The following ADAD1 variants were observed in gnomAD, a reference collection of about 807,000 sequenced individuals.
ADAD1 encodes the protein adenosine deaminase domain containing 1, also known as adenosine deaminase domain-containing protein 1.
A neutral mutation model predicts 66.8 loss-of-function variants in ADAD1; 46 were observed. That is an observed-to-expected ratio of 0.69 (90% CI 0.54 to 0.88). ADAD1 has a LOEUF of 0.88. Among genes scored for constraint, ADAD1 ranks in the 40% least tolerant of loss-of-function variants. The pLI is 0.00. For synonymous variants in ADAD1, 248 were observed against 229.4 expected, an observed-to-expected ratio of 1.08 and a Z score of -0.73; for missense variants, 617 against 681.8, an observed-to-expected ratio of 0.91 and a Z score of 1.06.
At chr4:122,410,981 T>A (rs1387557256) in intron 8 of ADAD1, among the ~76,000 whole-genome samples, 1 of 152,000 alleles carries the variant, frequency 6.6e-6, no homozygotes, top group Non-Finnish European at 1.5e-5. Context: ...GAAACAAAAG[T>A]GGAGTAGTAG....
At chr4:122,399,565 T>A (rs1339196750) in intron 7 of ADAD1, among the ~76,000 whole-genome samples, 2 of 152,108 alleles carry the variant, frequency 1.3e-5, no homozygotes, top group African/African-American at 2.4e-5. Context: ...ATCTGTAGAT[T>A]GCTTTTGGCA....
chr4:122,387,741 GTTTTTTT>G (rs776546642), intron 5 of ADAD1, among the ~76,000 whole-genome samples: 1 of 142,476 alleles, frequency 7.0e-6, no homozygotes, highest in Non-Finnish European at 1.5e-5. Flanking sequence ...ATATTGAGAG[GTTTTTTT>G]TTTTTGTTTT....
At position 122,379,366 on chromosome 4, in the gene ADAD1, C is replaced by T. The variant is rs1794756143; in HGVS notation, c.-82-6C>T. 1 of 152,360 alleles carries T rather than the reference C, an allele frequency of 6.6e-6. No homozygotes were observed. The highest frequency in any genetic ancestry group is 2.4e-5 in the African/African-American group (1 of 41,462). 9.4% of individuals were successfully genotyped at this position (152,360 alleles called of 1,614,324 possible). ...ACGCCTGCGATGGTCGGCGTCTCTT[C>T]CCTAGGTGACGCAAGACGCGGAGCT... On this transcript the variant is annotated splice_region_variant and splice_polypyrimidine_tract_variant and intron_variant, in intron 1 of 12. Transcript: ENST00000296513.
chr4:122,421,349 A>G lies in ADAD1; in HGVS notation c.1576A>G (p.Lys526Glu), dbSNP rs776213843. Residue 526 changes from lysine to glutamate, a missense_variant, in exon 12 of 13, where the codon AAA becomes GAA. Physicochemically the swap from Lys to Glu is moderately conservative, Grantham distance 56. Transcript: ENST00000296513. ...SRFNLLAKEA[K>E]KELLEAGTYH... ...GTTTAACCTGCTTGCCAAAGAAGCTAAAAAAGAATTACTTGAAGCTGGTAC... is the reference window on the plus strand; with the variant it reads ...GTTTAACCTGCTTGCCAAAGAAGCTGAAAAAGAATTACTTGAAGCTGGTAC... 1.2e-6 allele frequency: 2 copies of G among 1,602,704 alleles called. No homozygotes were observed. Among genetic ancestry groups the G allele is most frequent in the East Asian group, 2.2e-5 (1 of 44,646 alleles).
intron 12 of ADAD1, among the ~76,000 whole-genome samples, chr4:122,429,191 T>TG (rs1231339396): frequency 2.6e-5 from 4 of 151,158 alleles, no homozygotes; most frequent in African/African-American, 9.7e-5. Context: ...GCCAGAGCTT[T>TG]GGGAGGCCAA....
intron 12 of ADAD1, among the ~76,000 whole-genome samples, chr4:122,423,284 T>C (rs914591539): frequency 1.3e-5 from 2 of 152,050 alleles, no homozygotes; most frequent in Non-Finnish European, 2.9e-5. Context: ...TGGCCCAAGG[T>C]TGCCATCCTG....
intron 5 of ADAD1, among the ~76,000 whole-genome samples, chr4:122,385,951 A>G (rs1795153172): frequency 6.6e-6 from 1 of 152,104 alleles, no homozygotes; most frequent in Admixed American, 6.5e-5. Context: ...ATTGATGGCC[A>G]TTTGGGTTGG....
chr4:122,380,202 G>A lies in ADAD1; in HGVS notation c.133G>A (p.Gly45Ser), dbSNP rs772573798. Reference protein sequence around the residue: ...TPTGWSSESYGLSKMASKVTQ... With the variant: ...TPTGWSSESYSLSKMASKVTQ... ...CACAGGATGGTCCTCAGAAAGTTACGGCCTGTCCAAGATGGCATCCAAGGT... is the reference window on the plus strand; with the variant it reads ...CACAGGATGGTCCTCAGAAAGTTACAGCCTGTCCAAGATGGCATCCAAGGT... Residue 45 changes from glycine to serine, a missense_variant, in exon 3 of 13, where the codon GGC becomes AGC. Gly to Ser is a moderately conservative substitution (Grantham distance 56). Coordinates refer to ENST00000296513, the MANE Select transcript of ADAD1 (RefSeq NM_139243.4). 5 of 1,613,854 alleles carry A rather than the reference G, an allele frequency of 3.1e-6. No individual in the cohort carries two copies. Among genetic ancestry groups the A allele is most frequent in the African/African-American group, 2.7e-5 (2 of 74,998 alleles).
intron 7 of ADAD1, among the ~76,000 whole-genome samples, chr4:122,398,483 T>C (rs932509286): frequency 6.6e-6 from 1 of 152,140 alleles, no homozygotes; most frequent in Admixed American, 6.6e-5. Flanking sequence ...TTCCTCTGGG[T>C]AGATACCTAG....
intron 7 of ADAD1, among the ~76,000 whole-genome samples, chr4:122,401,255 A>T (rs917164971): frequency 1.3e-5 from 2 of 151,704 alleles, no homozygotes; most frequent in Non-Finnish European, 2.9e-5. Context: ...TTCATTGTTG[A>T]TACAAAGATC....
intron 5 of ADAD1, among the ~76,000 whole-genome samples, chr4:122,388,600 G>A (rs1795289862): frequency 6.6e-6 from 1 of 152,100 alleles, no homozygotes; most frequent in African/African-American, 2.4e-5. Flanking sequence ...GTCTTGGGAG[G>A]TTGTATGCAT....
At chr4:122,406,983 G>A (rs1339800656) in intron 7 of ADAD1, among the ~76,000 whole-genome samples, 2 of 151,876 alleles carry the variant, frequency 1.3e-5, no homozygotes, top group African/African-American at 4.8e-5. Flanking sequence ...CCTCATGAAG[G>A]TATGTCTTGC....
intron 5 of ADAD1, among the ~76,000 whole-genome samples, chr4:122,389,401 T>C (rs1458655526): frequency 1.3e-5 from 2 of 152,196 alleles, no homozygotes; most frequent in East Asian, 1.9e-4. Flanking sequence ...TGAGTTCAAA[T>C]CCTGAATATG....
intron 12 of ADAD1, among the ~76,000 whole-genome samples, chr4:122,428,676 A>G (rs998163267): frequency 2.0e-5 from 3 of 152,246 alleles, no homozygotes; most frequent in Non-Finnish European, 4.4e-5. Flanking sequence ...TAGTTAATTT[A>G]TATGAATTTT....
At chr4:122,407,637 C>A (rs1273225559) in intron 7 of ADAD1, among the ~76,000 whole-genome samples, 1 of 152,104 alleles carries the variant, frequency 6.6e-6, no homozygotes, top group Non-Finnish European at 1.5e-5. Context: ...AAGCCAAGGA[C>A]ATTTGGTAAT....
Position 122,405,458 on chromosome 4 carries a change from A to G in ADAD1, c.725-2450A>G, listed in dbSNP as rs75907913. On this transcript the variant is annotated intron_variant, in intron 7 of 12. Coordinates refer to ENST00000296513, the MANE Select transcript of ADAD1 (RefSeq NM_139243.4). ...TACTTCTTGGAAATTAGCCTTGCCAAGGTACCCACTGCCTGCATGTTGCAC... is the reference window on the plus strand; with the variant it reads ...TACTTCTTGGAAATTAGCCTTGCCAGGGTACCCACTGCCTGCATGTTGCAC... 6.5e-3 allele frequency among the ~76,000 whole-genome samples: 990 copies of G among 152,240 alleles called. 10 individuals carry two copies. Among genetic ancestry groups the G allele is most frequent in the African/African-American group, 0.023 (951 of 41,538 alleles).
chr4:122,393,474 C>A, intron 5 of ADAD1, 115 bp from the exon 6 acceptor site: 1 of 818,540 alleles, frequency 1.2e-6, no homozygotes, highest in Non-Finnish European at 1.8e-6. Context: ...CCAGAGTTGG[C>A]AAAAATACGG....
chr4:122,394,149 A>T (rs1349156735), intron 6 of ADAD1, among the ~76,000 whole-genome samples: 1 of 152,176 alleles, frequency 6.6e-6, no homozygotes, highest in East Asian at 1.9e-4. Context: ...TCATTACGGT[A>T]ATTATCTTAT....
chr4:122,397,574 A>AT (rs1022995361), intron 7 of ADAD1, among the ~76,000 whole-genome samples: 2 of 152,208 alleles, frequency 1.3e-5, no homozygotes, highest in Admixed American at 1.3e-4. Context: ...TTGACAAATA[A>AT]TTTTTTAAAA....
Sources: gnomAD v4.1 joint callset for allele counts (sites outside exome capture counted in the v4.1 genomes callset) on GRCh38, gnomAD v4.1.1 for gene constraint, MANE v1.5 for transcripts, NCBI Gene and HGNC (gene_info 2026-07-23, HGNC 2026-07-21) for gene names.